LIM2: variants seen among roughly 807,000 people sequenced by gnomAD.
The protein encoded by LIM2 is lens intrinsic membrane protein 2, also known as lens fiber membrane intrinsic protein.
LIM2 carries 14 observed loss-of-function variants against 19.0 expected under a neutral mutation model. The ratio of observed to expected loss-of-function variants is 0.74; its 90% CI spans 0.49 to 1.15. The LOEUF (loss-of-function observed/expected upper bound fraction) is 1.15, where lower values mean the gene tolerates loss of function less well. LIM2 is among the 50% of genes most tolerant of loss of function. The pLI is 0.00. For synonymous variants in LIM2, 78 were observed against 89.6 expected (o/e 0.87, Z 0.73); for missense variants, 230 against 243.5 (o/e 0.94, Z 0.37).
intron 3 of LIM2, 97 bp from the exon 4 acceptor site, chr19:51,380,736 G>A: frequency 6.9e-7 from 1 of 1,453,000 alleles, no homozygotes; most frequent in Non-Finnish European, 9.5e-7. Flanking sequence ...AACTAAGATT[G>A]GGGAAAGGGG....
At chr19:51,381,828 C>G (rs1482401621) in intron 3 of LIM2, among the ~76,000 whole-genome samples, 1 of 152,166 alleles carries the variant, frequency 6.6e-6, no homozygotes, top group Admixed American at 6.5e-5. Flanking sequence ...TGAGTTCATG[C>G]CATTCTCCTG....
At chr19:51,381,625 G>T (rs746951567) in intron 3 of LIM2, among the ~76,000 whole-genome samples, 1 of 152,160 alleles carries the variant, frequency 6.6e-6, no homozygotes, top group Admixed American at 6.5e-5. Context: ...CTCTTCATTT[G>T]CTTGGACCTG....
At chr19:51,386,094 G>A (rs985100448) in intron 2 of LIM2, among the ~76,000 whole-genome samples, 4 of 152,014 alleles carry the variant, frequency 2.6e-5, no homozygotes, top group African/African-American at 9.6e-5. Context: ...GTTACTAGTA[G>A]TAATACACAA....
intron 2 of LIM2, among the ~76,000 whole-genome samples, chr19:51,383,915 C>A (rs1986965253): frequency 6.6e-6 from 1 of 152,142 alleles, no homozygotes; most frequent in Admixed American, 6.6e-5. Flanking sequence ...AGTCTAGGAT[C>A]TTTGTAAAAC....
chr19:51,380,825 G>A (rs1238441197), intron 3 of LIM2, among the ~76,000 whole-genome samples, 186 bp from the exon 4 acceptor site: 1 of 152,076 alleles, frequency 6.6e-6, no homozygotes, highest in African/African-American at 2.4e-5. Flanking sequence ...TTGGGGGATA[G>A]GTTTGGGATG....
intron 3 of LIM2, 25 bp from the exon 4 acceptor site, chr19:51,380,664 C>G (rs908505305): frequency 2.2e-5 from 35 of 1,612,984 alleles, no homozygotes; most frequent in Non-Finnish European, 3.0e-5. Flanking sequence ...CGGGAGGATG[C>G]AGGTGGGACT....
intron 1 of LIM2, 39 bp from the exon 2 acceptor site, chr19:51,387,488 C>G: frequency 6.2e-7 from 1 of 1,611,292 alleles, no homozygotes; most frequent in African/African-American, 1.3e-5. Context: ...GAGCTGAATT[C>G]CCGGGACTTG....
At chr19:51,383,297 A>G (rs1046906609) in intron 2 of LIM2, among the ~76,000 whole-genome samples, 3 of 152,072 alleles carry the variant, frequency 2.0e-5, no homozygotes, top group Admixed American at 6.5e-5. Context: ...GGCCTCCCAA[A>G]GTGCTGAGAT....
intron 2 of LIM2, among the ~76,000 whole-genome samples, chr19:51,386,160 G>A (rs1035994263): frequency 4.6e-5 from 7 of 151,210 alleles, no homozygotes; most frequent in Non-Finnish European, 7.4e-5. Flanking sequence ...GTCTTCGTCT[G>A]TTGTCCAGGC....
intron 2 of LIM2, among the ~76,000 whole-genome samples, chr19:51,385,988 T>G (rs1421033427): frequency 3.3e-5 from 5 of 152,152 alleles, no homozygotes; most frequent in Admixed American, 3.3e-4. Context: ...GCCCGTAGTG[T>G]TGTTGGGGAT....
At chr19:51,382,237 C>T (rs1291146764) in intron 3 of LIM2, among the ~76,000 whole-genome samples, 181 bp downstream of exon 3, 1 of 149,128 alleles carries the variant, frequency 6.7e-6, no homozygotes, top group Non-Finnish European at 1.5e-5. Context: ...CAGCTAGTGT[C>T]AGAATAGACT....
rs373210116 is a variant in LIM2 at position 51,380,214 on chromosome 19, G to C, written c.509C>G (p.Ser170Cys). 3 of 1,613,682 alleles carry C rather than the reference G, an allele frequency of 1.9e-6. No individual in the cohort carries two copies. The highest frequency in any genetic ancestry group is 2.5e-6 in the Non-Finnish European group (3 of 1,179,928). ...ACACATTTGGGCTCAGCGGGGTGTA[G>C]ACAGGCGCCGGCATTCATGCACCCG... is the stretch of plus-strand genomic sequence containing the variant. ...AYRVHECRRLSTPR is the reference protein window; with the variant it reads ...AYRVHECRRLCTPR The change falls in exon 5 of 5, where the codon TCT becomes TGT. Residue 170 changes from serine (S) to cysteine (C), a missense_variant. Ser to Cys is a moderately radical substitution (Grantham distance 112). Transcript: ENST00000596399.
At position 51,382,459 on chromosome 19, in the gene LIM2, A is replaced by G; in HGVS notation, c.284T>C (p.Ile95Thr). 6.2e-7 allele frequency: 1 copy of G among 1,613,912 alleles called. No individual in the cohort carries two copies. The highest frequency in any genetic ancestry group is 1.3e-5 in the African/African-American group (1 of 74,950). The change falls in exon 3 of 5, where the codon ATC becomes ACC. Residue 95 changes from isoleucine to threonine, a missense_variant. By Grantham distance (89) the Ile-to-Thr change is moderately conservative. Transcript: ENST00000596399. ...AFAHQPTFSR[I>T]SRPFSAGIMF... The stretch of plus-strand genomic sequence containing the variant: ...GATGCCAGCAGAGAAGGGCCGGGAG[A>G]TGCGGGAGAAGGTAGGCTGATGAGC...
chr19:51,386,072 A>G (rs1347326661), intron 2 of LIM2, among the ~76,000 whole-genome samples: 1 of 152,142 alleles, frequency 6.6e-6, no homozygotes, highest in Non-Finnish European at 1.5e-5. Flanking sequence ...AATGCCAGTT[A>G]TTATTATTAC....
At position 51,380,657 on chromosome 19, in the gene LIM2, G is replaced by A. The variant is rs1252543868; in HGVS notation, c.326-18C>T. On this transcript the variant is annotated intron_variant, in intron 3 of 4. Transcript: ENST00000596399. Reference sequence around the variant, plus strand: ...GAAAAGGGCTGGGGAGAGAGGGCGGGAGGATGCAGGTGGGACTAAGGCTGG... The same window carrying A: ...GAAAAGGGCTGGGGAGAGAGGGCGGAAGGATGCAGGTGGGACTAAGGCTGG... 2 of 1,612,690 alleles carry A rather than the reference G, an allele frequency of 1.2e-6. No individual in the cohort carries two copies. Among genetic ancestry groups the A allele is most frequent in the Admixed American group, 1.7e-5 (1 of 59,962 alleles).
rs763932900 is a variant in LIM2, at chr19:51,382,441, G to A, written c.302C>T (p.Ala101Val). 3.3e-5 allele frequency: 53 copies of A among 1,613,990 alleles called. No individual in the cohort carries two copies. In the South Asian group the frequency reaches 4.1e-4, roughly 12 times the overall value. The change falls in exon 3 of 5, where the codon GCT (alanine) becomes GTT (valine). Residue 101 changes from alanine (A) to valine (V), a missense_variant. Physicochemically the swap from Ala to Val is moderately conservative, Grantham distance 64 (BLOSUM62 0). Coordinates refer to ENST00000596399, the MANE Select transcript of LIM2 (RefSeq NM_001161748.2). ...ACTTGAGGAAAAAAACATGATGCCA[G>A]CAGAGAAGGGCCGGGAGATGCGGGA... is the stretch of plus-strand genomic sequence containing the variant. ...TFSRISRPFSAGIMFFSSTLF... is the reference protein window; with the variant it reads ...TFSRISRPFSVGIMFFSSTLF...
intron 1 of LIM2, among the ~76,000 whole-genome samples, 191 bp from the exon 2 acceptor site, chr19:51,387,640 G>C (rs1417028495): frequency 6.6e-6 from 1 of 152,154 alleles, no homozygotes; most frequent in South Asian, 2.1e-4. Context: ...GAGGATGGTA[G>C]GGATCCTGGA....
chr19:51,384,370 G>T (rs750575965), intron 2 of LIM2, among the ~76,000 whole-genome samples: 1 of 152,172 alleles, frequency 6.6e-6, no homozygotes. Context: ...GGTGGAGGTT[G>T]CAGTGAGCCA....
chr19:51,380,243 G>A lies in LIM2; in HGVS notation c.480C>T (p.Ala160=), dbSNP rs1986858281. 1 of 1,613,528 alleles carries A rather than the reference G, an allele frequency of 6.2e-7. No homozygotes were observed. The highest frequency in any genetic ancestry group is 1.1e-5 in the South Asian group (1 of 91,012). The change falls in exon 5 of 5, where the codon GCC becomes GCT. Residue 160 remains alanine (A), a synonymous_variant. Coordinates refer to ENST00000596399, the MANE Select transcript of LIM2 (RefSeq NM_001161748.2). ...TFFAGIFYMC[A]YRVHECRRLS... is the part of the protein sequence containing the mutation. ...GGCGCCGGCATTCATGCACCCGGTA[G>A]GCGCACATGTAGAAAATCCCTGCAT...
Sources: gnomAD v4.1 joint callset for allele counts (sites outside exome capture counted in the v4.1 genomes callset) on GRCh38, gnomAD v4.1.1 for gene constraint, MANE v1.5 for transcripts, NCBI Gene and HGNC (gene_info 2026-07-23, HGNC 2026-07-21) for gene names.